Variants in DACH1 observed in about 807,000 individuals in gnomAD.
The protein encoded by DACH1 is dachshund family transcription factor 1, also known as dachshund homolog 1.
Under a neutral mutation model 54.2 loss-of-function variants are expected in DACH1, and 12 were observed. The observed-to-expected ratio is 0.22, with a 90% confidence interval of 0.14 to 0.36. The LOEUF (loss-of-function observed/expected upper bound fraction) is 0.36. Ranked by LOEUF, DACH1 falls within the 10% of genes least tolerant of loss-of-function variation. The pLI is 1.00. For missense variants in DACH1, 805 were observed against 929.8 expected, an observed-to-expected ratio of 0.87 and a Z score of 1.75; for synonymous variants, 386 against 366.2, an observed-to-expected ratio of 1.05 and a Z score of -0.62.
At chr13:71,494,312 G>A (rs1053597703) in intron 6 of DACH1, among the ~76,000 whole-genome samples, 3 of 151,682 alleles carry the variant, frequency 2.0e-5, no homozygotes, top group Admixed American at 6.6e-5. Flanking sequence ...AAACCATTGC[G>A]ATTTTCAATT....
At position 71,866,624 on chromosome 13, in the gene DACH1, G is replaced by A. The variant is rs1874834015; in HGVS notation, c.146C>T (p.Ser49Phe). 2.2e-6 allele frequency: 3 copies of A among 1,389,796 alleles called. No individual in the cohort carries two copies. Among genetic ancestry groups the A allele is most frequent in the Admixed American group, 2.6e-5 (1 of 38,434 alleles). The allele number at this position is 1,389,796 out of a possible 1,614,324, so 86.1% of individuals were successfully genotyped here. A position where few individuals can be genotyped will look rare whatever the true frequency, so the allele number is the denominator to read the frequency against. The change falls in exon 1 of 11, where the codon TCC becomes TTC. Residue 49 changes from serine to phenylalanine, a missense_variant. Transcript: ENST00000613252. Reference protein sequence around the residue: ...SPAPSIGPPASSGPTLFRPEP... With the variant: ...SPAPSIGPPAFSGPTLFRPEP... ...CGGGCGGAACAGAGTTGGCCCAGAG[G>A]ACGCCGGGGGTCCGATGGAAGGAGC...
intron 1 of DACH1, among the ~76,000 whole-genome samples, chr13:71,697,133 T>A (rs1159862855): frequency 1.3e-5 from 2 of 152,192 alleles, no homozygotes; most frequent in Admixed American, 6.5e-5. Context: ...TGACTATCTG[T>A]CTTGCATATT....
At chr13:71,851,521 T>C (rs1375271895) in intron 1 of DACH1, among the ~76,000 whole-genome samples, 1 of 152,154 alleles carries the variant, frequency 6.6e-6, no homozygotes, top group Non-Finnish European at 1.5e-5. Context: ...AGCAGTTTTG[T>C]AAATAGAATA....
At chr13:71,853,301 T>A (rs763796935) in intron 1 of DACH1, among the ~76,000 whole-genome samples, 2 of 152,144 alleles carry the variant, frequency 1.3e-5, no homozygotes, top group Non-Finnish European at 2.9e-5. Flanking sequence ...TTTGAAGAGA[T>A]CTTTCTGCCT....
At chr13:71,855,902 C>A (rs1038686117) in intron 1 of DACH1, among the ~76,000 whole-genome samples, 1 of 151,848 alleles carries the variant, frequency 6.6e-6, no homozygotes, top group Non-Finnish European at 1.5e-5. Flanking sequence ...TTAAAAAGTA[C>A]AAAATAGTTG....
intron 1 of DACH1, among the ~76,000 whole-genome samples, chr13:71,769,587 CA>C (rs1885771418): frequency 6.6e-6 from 1 of 151,636 alleles, no homozygotes; most frequent in Admixed American, 6.6e-5. Flanking sequence ...GTATATCAGA[CA>C]GTTTTTAACC....
chr13:71,552,510 G>T (rs1344952302), intron 6 of DACH1, among the ~76,000 whole-genome samples: 1 of 151,612 alleles, frequency 6.6e-6, no homozygotes, highest in Admixed American at 6.6e-5. Context: ...GAAAGTAGCA[G>T]CAATTTAAGA....
At chr13:71,836,943 A>C (rs1888811612) in intron 1 of DACH1, among the ~76,000 whole-genome samples, 1 of 152,012 alleles carries the variant, frequency 6.6e-6, no homozygotes, top group Non-Finnish European at 1.5e-5. Context: ...TGCCTGTCAT[A>C]TATTAGGTGC....
chr13:71,781,504 A>G (rs1415162027), intron 1 of DACH1, among the ~76,000 whole-genome samples: 1 of 151,620 alleles, frequency 6.6e-6, no homozygotes, highest in Admixed American at 6.6e-5. Context: ...TCAGCCTCCC[A>G]AGTAGCTGAG....
chr13:71,861,136 CA>C (rs934321340), intron 1 of DACH1, among the ~76,000 whole-genome samples: 10 of 147,270 alleles, frequency 6.8e-5, no homozygotes, highest in South Asian at 4.3e-4. Flanking sequence ...TAGAATAATC[CA>C]AAAAAAAAGC....
At chr13:71,567,849 C>T (rs1312223054) in intron 4 of DACH1, among the ~76,000 whole-genome samples, 7 of 151,834 alleles carry the variant, frequency 4.6e-5, no homozygotes, top group Admixed American at 4.6e-4. Flanking sequence ...AGCAAGTACG[C>T]CCTTTTCAAA....
intron 6 of DACH1, among the ~76,000 whole-genome samples, chr13:71,542,154 G>A (rs2138334114): frequency 6.6e-6 from 1 of 151,966 alleles, no homozygotes. Flanking sequence ...GTAGGCTGAG[G>A]GAGGAGAATC....
At chr13:71,569,889 C>G (rs949498238) in intron 4 of DACH1, among the ~76,000 whole-genome samples, 1 of 152,118 alleles carries the variant, frequency 6.6e-6, no homozygotes, top group Non-Finnish European at 1.5e-5. Context: ...CATACAGGCT[C>G]AATCTTCTAT....
At chr13:71,848,709 TG>T (rs1200131794) in intron 1 of DACH1, among the ~76,000 whole-genome samples, 3 of 151,918 alleles carry the variant, frequency 2.0e-5, no homozygotes, top group Non-Finnish European at 4.4e-5. Context: ...TTTGTACAGA[TG>T]GGGGGGTTCT....
chr13:71,690,257 T>C (rs546246275), intron 1 of DACH1, among the ~76,000 whole-genome samples: 2 of 152,228 alleles, frequency 1.3e-5, no homozygotes, highest in Non-Finnish European at 2.9e-5. Flanking sequence ...AATTTAATAC[T>C]ATTTATGTTT....
intron 3 of DACH1, among the ~76,000 whole-genome samples, chr13:71,599,857 A>G (rs9572761): frequency 2.1e-5 from 3 of 139,650 alleles, no homozygotes; most frequent in East Asian, 2.1e-4. Context: ...ACACACACGC[A>G]CACACATAAG....
intron 3 of DACH1, among the ~76,000 whole-genome samples, chr13:71,630,112 G>T (rs1876975660): frequency 6.6e-6 from 1 of 152,050 alleles, no homozygotes; most frequent in Non-Finnish European, 1.5e-5. Flanking sequence ...TGTATTCTGG[G>T]CAGCATATGA....
rs557800699 is a variant in DACH1 at position 71,440,238 on chromosome 13, T to C, written c.*417A>G. The C allele has an allele frequency of 1.9e-5, 3 of 154,966 alleles. No homozygotes were observed. The highest frequency in any genetic ancestry group is 6.6e-5 in the Admixed American group (1 of 15,262). 9.6% of individuals were successfully genotyped at this position (154,966 alleles called of 1,614,324 possible). A position where few individuals can be genotyped will look rare whatever the true frequency, so the allele number is the denominator to read the frequency against. ...TGTTCTTGCTGGTTTCTGGAGGACA[T>C]AATTCTGTAAGTCTGGGTAACCACT... On this transcript the variant is annotated 3_prime_UTR_variant, in exon 11 of 11. Coordinates refer to ENST00000613252, the MANE Select transcript of DACH1 (RefSeq NM_080759.6).
intron 3 of DACH1, among the ~76,000 whole-genome samples, chr13:71,623,508 C>G (rs1301864473): frequency 6.6e-6 from 1 of 151,512 alleles, no homozygotes; most frequent in Non-Finnish European, 1.5e-5. Context: ...TAAATACTGT[C>G]AATACTTATC....
Sources: allele counts gnomAD v4.1 joint callset (sites outside exome capture counted in the v4.1 genomes callset), GRCh38; gene constraint gnomAD v4.1.1; transcripts MANE v1.5; gene names NCBI Gene and HGNC (gene_info 2026-07-23, HGNC 2026-07-21).